GON4L: variants seen among roughly 807,000 people sequenced by gnomAD.
GON4L encodes the protein GON-4-like protein.
GON4L carries 87 observed loss-of-function variants against 211.8 expected under a neutral mutation model. The ratio of observed to expected loss-of-function variants is 0.41; its 90% CI spans 0.35 to 0.49. GON4L has a LOEUF of 0.49. Among genes scored for constraint, GON4L ranks in the 20% least tolerant of loss-of-function variants. The pLI, the probability that GON4L is intolerant of heterozygous loss-of-function variation, is 0.15. For missense variants in GON4L, 2,155 were observed against 2,659.5 expected (o/e 0.81, Z 4.17); for synonymous variants, 875 against 962.6 (o/e 0.91, Z 1.68).
intron 23 of GON4L, among the ~76,000 whole-genome samples, chr1:155,761,623 G>A (rs577689132): frequency 4.6e-5 from 7 of 151,200 alleles, no homozygotes; most frequent in African/African-American, 1.5e-4. Flanking sequence ...AGCCTCCCCC[G>A]TAGCTAGGAT....
intron 2 of GON4L, chr1:155,833,026 T>G (rs569297630): frequency 6.6e-6 from 1 of 152,200 alleles, no homozygotes; most frequent in Admixed American, 6.5e-5. Flanking sequence ...GTACTTTTAT[T>G]GCTATTACTT....
rs1228488169 is a variant in GON4L at position 155,825,235 on chromosome 1, T to C, written c.697+1602A>G. ...ACAGAATGATATACAGCAATAAAAA[T>C]GAACAATCTACAAGTACATCCAAGA... On this transcript the variant is annotated intron_variant, in intron 3 of 31. Coordinates refer to ENST00000368331, the MANE Select transcript of GON4L (RefSeq NM_001282860.2). Among the ~76,000 whole-genome samples the C allele has an allele frequency of 2.0e-5, 3 of 151,966 alleles. No homozygotes were observed. In the South Asian group the frequency reaches 6.2e-4, roughly 32 times the overall value.
rs370270030 is a variant in GON4L at position 155,853,423 on chromosome 1, T to C, written c.358A>G (p.Lys120Glu). 2.5e-5 allele frequency: 41 copies of C among 1,614,064 alleles called. No individual in the cohort carries two copies. The highest frequency in any genetic ancestry group is 3.1e-5 in the Non-Finnish European group (36 of 1,180,018). ...GAGCCAGTAGCGTGGAGTTTTCCTT[T>C]ACCAATGTGTATATTAAGGGGGTGA... ...SFHPLNIHIG[K>E]GKLHATGSKR... The change falls in exon 2 of 32, where the codon AAA becomes GAA. Residue 120 changes from lysine to glutamate, a missense_variant. Physicochemically the swap from Lys to Glu is moderately conservative, Grantham distance 56. Around this residue, in one of 6 missense-constraint regions of GON4L, gnomAD observed 313 missense variants for 293.2 expected, o/e 1.07. Transcript: ENST00000368331.
At chr1:155,784,756 A>T (rs1278970053) in intron 13 of GON4L, 2 of 172,520 alleles carry the variant, frequency 1.2e-5, no homozygotes, top group African/African-American at 4.8e-5. Context: ...TTGTACACAA[A>T]GTAGTTTAAA....
chr1:155,747,460 A>G, downstream of GON4L: 2 of 1,205,750 alleles, frequency 1.7e-6, no homozygotes, highest in South Asian at 3.1e-5. Context: ...CCACCAATGC[A>G]GGATGAGGCT....
intron 2 of GON4L, among the ~76,000 whole-genome samples, chr1:155,829,031 G>C (rs775524648): frequency 1.3e-5 from 2 of 151,942 alleles, no homozygotes; most frequent in Non-Finnish European, 2.9e-5. Context: ...TTACTTAGTT[G>C]AACATTTTCT....
At chr1:155,794,317 C>T (rs1571767790) in intron 12 of GON4L, among the ~76,000 whole-genome samples, 1 of 152,172 alleles carries the variant, frequency 6.6e-6, no homozygotes, top group East Asian at 1.9e-4. Context: ...GGTGATCTGC[C>T]TGCCTCCACC....
At chr1:155,808,041 ATTTT>A (rs1002576407) in intron 10 of GON4L, among the ~76,000 whole-genome samples, 10 of 149,290 alleles carry the variant, frequency 6.7e-5, no homozygotes, top group South Asian at 2.1e-4. Context: ...TTATTTATTT[ATTTT>A]TTTTTTTTTT....
At chr1:155,745,883 T>C (rs774927443), downstream of GON4L, 6 of 998,372 alleles carry the variant, frequency 6.0e-6, no homozygotes, top group South Asian at 9.6e-5. Context: ...TTTTGCCGGT[T>C]TCGTGGGCGC....
chr1:155,821,946 A>G (rs1291303359), intron 4 of GON4L, among the ~76,000 whole-genome samples: 1 of 152,258 alleles, frequency 6.6e-6, no homozygotes, highest in African/African-American at 2.4e-5. Context: ...TTAACCAGGC[A>G]TCTTTTTAGA....
chr1:155,841,097 T>C (rs1486084347), intron 2 of GON4L, among the ~76,000 whole-genome samples: 1 of 152,246 alleles, frequency 6.6e-6, no homozygotes, highest in Non-Finnish European at 1.5e-5. Context: ...TTAATAATTT[T>C]GCCTCTATAT....
At chr1:155,828,908 G>A (rs891504921) in intron 2 of GON4L, among the ~76,000 whole-genome samples, 4 of 151,460 alleles carry the variant, frequency 2.6e-5, no homozygotes, top group Non-Finnish European at 5.9e-5. Flanking sequence ...ACAAAAAATT[G>A]TTTAACAGTT....
intron 14 of GON4L, among the ~76,000 whole-genome samples, chr1:155,780,850 C>T (rs1477900810): frequency 2.0e-5 from 3 of 152,116 alleles, no homozygotes; most frequent in South Asian, 2.1e-4. Context: ...CAAGTAATCT[C>T]CAATATTACA....
intron 15 of GON4L, 66 bp from the exon 16 acceptor site, chr1:155,776,547 A>G: frequency 8.8e-7 from 1 of 1,133,948 alleles, no homozygotes; most frequent in Non-Finnish European, 1.3e-6. Context: ...ATCCAGAGAG[A>G]TCTTTTTTTT....
intron 12 of GON4L, among the ~76,000 whole-genome samples, chr1:155,785,860 G>A (rs1219099090): frequency 6.6e-6 from 1 of 152,170 alleles, no homozygotes; most frequent in African/African-American, 2.4e-5. Flanking sequence ...ACTTTGGGAG[G>A]CCAAGACAGA....
Position 155,820,656 on chromosome 1 carries a change from C to G in GON4L, c.964G>C (p.Glu322Gln), listed in dbSNP as rs761759557. 1.2e-6 allele frequency: 2 copies of G among 1,602,774 alleles called. No homozygotes were observed. The highest frequency in any genetic ancestry group is 1.1e-5 in the South Asian group (1 of 90,886). ...AGTTTAGAGCGTGTCATTTTAGGCTCCTAAGGAGAAAAAAACAGAAAGGAA... is the reference window on the plus strand; with the variant it reads ...AGTTTAGAGCGTGTCATTTTAGGCTGCTAAGGAGAAAAAAACAGAAAGGAA... ...ISETEDMPMF[E>Q]PKMTRSKLKE... Residue 322 changes from glutamate (E) to glutamine (Q), a missense_variant and splice_region_variant, in exon 6 of 32, where the codon GAG becomes CAG. Glu to Gln is a conservative substitution (Grantham distance 29). Coordinates refer to ENST00000368331, the MANE Select transcript of GON4L (RefSeq NM_001282860.2).
At chr1:155,755,977 TAA>T (rs34653577) in intron 27 of GON4L, among the ~76,000 whole-genome samples, 40 of 125,538 alleles carry the variant, frequency 3.2e-4, no homozygotes, top group Admixed American at 4.0e-4. Context: ...AAACACGAAT[TAA>T]AAAAAAAAAA....
chr1:155,781,343 G>A (rs1486091782), intron 14 of GON4L, among the ~76,000 whole-genome samples: 7 of 151,680 alleles, frequency 4.6e-5, no homozygotes, highest in East Asian at 1.9e-4. Flanking sequence ...ACAAGGTTTC[G>A]CCATGTTGGC....
intron 20 of GON4L, chr1:155,767,038 C>G: frequency 1.8e-6 from 1 of 553,230 alleles, no homozygotes; most frequent in Non-Finnish European, 3.1e-6. Flanking sequence ...GACTCTGTCT[C>G]AAAAACAAAA....
Sources: allele counts gnomAD v4.1 joint callset (sites outside exome capture counted in the v4.1 genomes callset), GRCh38; gene constraint gnomAD v4.1.1; regional missense constraint gnomAD v4.1.1; transcripts MANE v1.5; gene names NCBI Gene and HGNC (gene_info 2026-07-23, HGNC 2026-07-21).